Variants in DPP10 observed in about 807,000 individuals in gnomAD.
DPP10 encodes inactive dipeptidyl peptidase 10.
A neutral mutation model predicts 120.9 loss-of-function variants in DPP10; 33 were observed. That is an observed-to-expected ratio of 0.27 (90% CI 0.21 to 0.37). The LOEUF (loss-of-function observed/expected upper bound fraction) is 0.37. Ranked by LOEUF, DPP10 falls within the 10% of genes least tolerant of loss-of-function variation. DPP10 has a pLI of 1.00. For synonymous variants in DPP10, 337 were observed against 326.1 expected, an observed-to-expected ratio of 1.03 and a Z score of -0.36; for missense variants, 816 against 942.8, an observed-to-expected ratio of 0.87 and a Z score of 1.76.
At chr2:114,915,097 C>T (rs1005669379) in intron 1 of DPP10, among the ~76,000 whole-genome samples, 6 of 151,148 alleles carry the variant, frequency 4.0e-5, no homozygotes, top group African/African-American at 1.5e-4. Context: ...CGCCACTGCA[C>T]CCCAGCCTGG....
At chr2:115,061,949 T>A (rs1035127066) in intron 1 of DPP10, among the ~76,000 whole-genome samples, 3 of 152,136 alleles carry the variant, frequency 2.0e-5, no homozygotes. Context: ...AAAATTGTTT[T>A]TTTTCCCTTG....
chr2:114,980,635 A>G (rs1180854106), intron 1 of DPP10, among the ~76,000 whole-genome samples: 3 of 72,282 alleles, frequency 4.2e-5, no homozygotes, highest in East Asian at 1.0e-3. Context: ...GAATCTACTG[A>G]AAAAAAAAAA....
At chr2:115,827,420 A>ATATATATG (rs1553518987) in intron 21 of DPP10, among the ~76,000 whole-genome samples, 1 of 135,766 alleles carries the variant, frequency 7.4e-6, no homozygotes, top group African/African-American at 2.8e-5. Flanking sequence ...GTGTGTATAT[A>ATATATATG]TATATATATA....
chr2:114,694,677 G>A (rs545740191), intron 1 of DPP10, among the ~76,000 whole-genome samples: 30 of 151,928 alleles, frequency 2.0e-4, no homozygotes, highest in Non-Finnish European at 3.7e-4. Flanking sequence ...CATGTTCATG[G>A]AAGACAACAG....
At chr2:114,921,228 A>AT (rs1375316469) in intron 1 of DPP10, among the ~76,000 whole-genome samples, 5 of 152,128 alleles carry the variant, frequency 3.3e-5, no homozygotes, top group African/African-American at 1.2e-4. Context: ...CTTGATATGT[A>AT]TTTTGGTGGG....
chr2:115,711,462 GT>G (rs2092313308), intron 7 of DPP10, among the ~76,000 whole-genome samples: 3 of 152,094 alleles, frequency 2.0e-5, no homozygotes, highest in Admixed American at 6.6e-5. Flanking sequence ...ATAAAATGGA[GT>G]TTAAGATTAC....
intron 1 of DPP10, among the ~76,000 whole-genome samples, chr2:114,790,551 G>A (rs1278542117): frequency 2.0e-5 from 3 of 152,068 alleles, no homozygotes; most frequent in African/African-American, 7.2e-5. Context: ...GGGTGCAGGC[G>A]GGCTGAGTCC....
chr2:114,748,366 A>G (rs972520205), intron 1 of DPP10, among the ~76,000 whole-genome samples: 1 of 73,710 alleles, frequency 1.4e-5, no homozygotes, highest in African/African-American at 6.0e-5. Context: ...TTTTTATTTT[A>G]TTTATTTATT....
At chr2:115,544,797 C>T (rs1451343787) in intron 5 of DPP10, among the ~76,000 whole-genome samples, 1 of 151,960 alleles carries the variant, frequency 6.6e-6, no homozygotes, top group African/African-American at 2.4e-5. Context: ...TTCCTCACTG[C>T]TGCTGGTGGT....
At chr2:114,634,960 G>A (rs1695203556) in intron 1 of DPP10, among the ~76,000 whole-genome samples, 1 of 151,814 alleles carries the variant, frequency 6.6e-6, no homozygotes, top group South Asian at 2.1e-4. Flanking sequence ...TTTCAAAAAT[G>A]TTAAAATAAT....
chr2:115,830,508 C>T (rs909571827), intron 21 of DPP10, among the ~76,000 whole-genome samples: 1 of 152,034 alleles, frequency 6.6e-6, no homozygotes, highest in Non-Finnish European at 1.5e-5. Context: ...ACACTATGTG[C>T]CCAGCACTTT....
intron 3 of DPP10, among the ~76,000 whole-genome samples, chr2:115,385,504 C>T (rs754839205): frequency 1.1e-4 from 16 of 151,976 alleles, no homozygotes; most frequent in East Asian, 1.9e-4. Flanking sequence ...TACAGGCGCC[C>T]GCCACCATGC....
At chr2:114,978,907 A>C (rs1322149527) in intron 1 of DPP10, among the ~76,000 whole-genome samples, 1 of 152,128 alleles carries the variant, frequency 6.6e-6, no homozygotes, top group Non-Finnish European at 1.5e-5. Context: ...CCTATCCCTA[A>C]CACACTGTTG....
At chr2:115,617,269 T>TTTATATATATATATATATATATATATA (rs1558931363) in intron 5 of DPP10, among the ~76,000 whole-genome samples, 11 of 16,920 alleles carry the variant, frequency 6.5e-4, no homozygotes, top group South Asian at 4.6e-3. Flanking sequence ...ATATATATAT[T>TTTATATATATATATATATATATATATA]TTTTATATAT....
chr2:115,812,070 T>C (rs1023347144), intron 19 of DPP10, among the ~76,000 whole-genome samples: 5 of 152,226 alleles, frequency 3.3e-5, no homozygotes, highest in African/African-American at 1.2e-4. Context: ...CAAAATGTCT[T>C]TGAGGAAAAT....
intron 1 of DPP10, among the ~76,000 whole-genome samples, chr2:115,068,302 C>T (rs1707090961): frequency 6.6e-6 from 1 of 151,314 alleles, no homozygotes; most frequent in Middle Eastern, 3.4e-3. Flanking sequence ...TTTTAATTTG[C>T]ATTTCCCTGA....
chr2:115,333,942 A>G (rs990067812), intron 2 of DPP10, among the ~76,000 whole-genome samples: 2 of 151,572 alleles, frequency 1.3e-5, no homozygotes, highest in Admixed American at 6.6e-5. Flanking sequence ...AAGTTTAGGG[A>G]AAAAAAGAGT....
chr2:114,576,873 G>GA (rs1553464717), intron 1 of DPP10, among the ~76,000 whole-genome samples: 1 of 148,808 alleles, frequency 6.7e-6, no homozygotes, highest in Non-Finnish European at 1.5e-5. Context: ...TGGGAAGAGT[G>GA]TTTTTTTTTT....
At chr2:114,804,238 T>C (rs1478134363) in intron 1 of DPP10, among the ~76,000 whole-genome samples, 1 of 152,174 alleles carries the variant, frequency 6.6e-6, no homozygotes, top group Non-Finnish European at 1.5e-5. Context: ...AGAAGATGTA[T>C]GGAAATGCCT....
Sources: allele counts gnomAD v4.1 joint callset (sites outside exome capture counted in the v4.1 genomes callset), GRCh38; gene constraint gnomAD v4.1.1; transcripts MANE v1.5; gene names NCBI Gene and HGNC (gene_info 2026-07-23, HGNC 2026-07-21).